Variants in AFG2A observed in about 807,000 individuals in gnomAD.
The protein encoded by AFG2A is ATPase family gene 2 protein homolog A.
At chr4:123,228,159 T>A in the AFG2A span, among the ~76,000 whole-genome samples, 1 of 152,182 alleles carries the variant, frequency 6.6e-6, no homozygotes, top group Non-Finnish European at 1.5e-5. Flanking sequence ...CTGATGGGTC[T>A]TGACTCTTTA....
At chr4:123,194,102 G>A in the AFG2A span, among the ~76,000 whole-genome samples, 1 of 152,232 alleles carries the variant, frequency 6.6e-6, no homozygotes, top group South Asian at 2.1e-4. Context: ...TGTACTTATT[G>A]AATTATAAGT....
At chr4:123,243,705 C>A in the AFG2A span, among the ~76,000 whole-genome samples, 1 of 152,010 alleles carries the variant, frequency 6.6e-6, no homozygotes, top group Non-Finnish European at 1.5e-5. Flanking sequence ...ATGTAATAAA[C>A]CTGCACGTTG....
At chr4:123,167,492 C>T in the AFG2A span, among the ~76,000 whole-genome samples, 12 of 152,104 alleles carry the variant, frequency 7.9e-5, no homozygotes, top group South Asian at 4.1e-4. Flanking sequence ...GGAGTACAGG[C>T]GCCCGCCACC....
the AFG2A span, among the ~76,000 whole-genome samples, chr4:123,189,876 A>G: frequency 8.2e-6 from 1 of 122,504 alleles, no homozygotes; most frequent in Non-Finnish European, 1.6e-5. Flanking sequence ...GTGCAGTGGC[A>G]AGATCATGGC....
chr4:123,071,783 T>C, the AFG2A span, among the ~76,000 whole-genome samples: 2 of 152,208 alleles, frequency 1.3e-5, no homozygotes, highest in Non-Finnish European at 2.9e-5. Context: ...ATGTTGATCA[T>C]AATCTAAAAT....
At chr4:123,106,834 G>A in the AFG2A span, among the ~76,000 whole-genome samples, 1 of 152,232 alleles carries the variant, frequency 6.6e-6, no homozygotes, top group Non-Finnish European at 1.5e-5. Context: ...CGTGCTACTG[G>A]CCTTAATCCC....
At chr4:122,924,269 T>A in the AFG2A span, among the ~76,000 whole-genome samples, 4 of 152,212 alleles carry the variant, frequency 2.6e-5, no homozygotes, top group Non-Finnish European at 5.9e-5. Context: ...ATTTTCTTCC[T>A]GCAACCGTCT....
At chr4:123,256,105 T>G in the AFG2A span, 7 of 1,614,036 alleles carry the variant, frequency 4.3e-6, no homozygotes, top group Non-Finnish European at 5.9e-6. Context: ...AGCTGCAGTT[T>G]CACTCCATGC....
chr4:123,238,298 T>C, the AFG2A span, among the ~76,000 whole-genome samples: 4 of 152,216 alleles, frequency 2.6e-5, no homozygotes, highest in Admixed American at 6.5e-5. Context: ...TAAACGTCCC[T>C]GTGTGACAGC....
chr4:123,115,171 A>G, the AFG2A span, among the ~76,000 whole-genome samples: 1 of 150,030 alleles, frequency 6.7e-6, no homozygotes. Flanking sequence ...ACATTGCCGC[A>G]AGTTCCCCCT....
At chr4:123,254,615 T>C in the AFG2A span, among the ~76,000 whole-genome samples, 1 of 152,206 alleles carries the variant, frequency 6.6e-6, no homozygotes, top group Non-Finnish European at 1.5e-5. Context: ...TTTGAGATAA[T>C]TCACATACCA....
the AFG2A span, among the ~76,000 whole-genome samples, chr4:123,057,820 C>A: frequency 6.6e-6 from 1 of 152,132 alleles, no homozygotes; most frequent in African/African-American, 2.4e-5. Flanking sequence ...TACACACACA[C>A]ACACACACAC....
the AFG2A span, among the ~76,000 whole-genome samples, chr4:123,131,389 G>T: frequency 2.6e-5 from 4 of 151,994 alleles, no homozygotes; most frequent in Non-Finnish European, 5.9e-5. Context: ...TATCTTAGCA[G>T]TTTCTAAGTT....
the AFG2A span, among the ~76,000 whole-genome samples, chr4:123,002,628 T>C: frequency 1.3e-5 from 2 of 152,226 alleles, no homozygotes; most frequent in Non-Finnish European, 2.9e-5. Context: ...TGTTGAATAT[T>C]GGCCTCCACT....
At chr4:123,258,915 G>A in the AFG2A span, among the ~76,000 whole-genome samples, 1 of 140,256 alleles carries the variant, frequency 7.1e-6, no homozygotes, top group Non-Finnish European at 1.5e-5. Flanking sequence ...ATCCCAGGCT[G>A]GAGTGCAGTG....
chr4:123,069,888 C>T, the AFG2A span, among the ~76,000 whole-genome samples: 1 of 152,136 alleles, frequency 6.6e-6, no homozygotes, highest in African/African-American at 2.4e-5. Flanking sequence ...GCAACAAAAT[C>T]TCTATTAGGA....
At chr4:123,097,044 T>C in the AFG2A span, among the ~76,000 whole-genome samples, 2 of 152,042 alleles carry the variant, frequency 1.3e-5, no homozygotes, top group Non-Finnish European at 2.9e-5. Flanking sequence ...GATCATTAAG[T>C]TGTGCAGCCT....
the AFG2A span, among the ~76,000 whole-genome samples, chr4:123,303,691 G>T: frequency 6.6e-6 from 1 of 151,940 alleles, no homozygotes; most frequent in East Asian, 1.9e-4. Flanking sequence ...AGCCCAGGAG[G>T]TCAAGACTGC....
the AFG2A span, among the ~76,000 whole-genome samples, chr4:123,100,683 A>G: frequency 6.6e-6 from 1 of 151,864 alleles, no homozygotes; most frequent in Non-Finnish European, 1.5e-5. Context: ...GCACATTGAG[A>G]TTGCTATTGA....
Sources: gnomAD v4.1 joint callset for allele counts (sites outside exome capture counted in the v4.1 genomes callset) on GRCh38, gnomAD v4.1.1 for gene constraint, MANE v1.5 for transcripts, NCBI Gene and HGNC (gene_info 2026-07-23, HGNC 2026-07-21) for gene names.